EIF3A: variants seen among roughly 807,000 people sequenced by gnomAD.
The protein encoded by EIF3A is eukaryotic translation initiation factor 3 subunit A.
Under a neutral mutation model 186.6 loss-of-function variants are expected in EIF3A, and 21 were observed. The observed-to-expected ratio is 0.11, with a 90% confidence interval of 0.08 to 0.16. The LOEUF (loss-of-function observed/expected upper bound fraction) is 0.16. EIF3A is among the 10% of genes least tolerant of loss of function. The pLI, the probability that EIF3A is intolerant of heterozygous loss-of-function variation, is 1.00. For synonymous variants in EIF3A, 563 were observed against 584.3 expected, an observed-to-expected ratio of 0.96 and a Z score of 0.52; for missense variants, 1,306 against 1,796.3, an observed-to-expected ratio of 0.73 and a Z score of 4.93.
Position 119,073,022 on chromosome 10 carries a change from T to G in EIF3A, c.409A>C (p.Thr137Pro). The G allele has an allele frequency of 6.2e-7, 1 of 1,613,652 alleles. No individual in the cohort carries two copies. Among genetic ancestry groups the G allele is most frequent in the African/African-American group, 1.3e-5 (1 of 75,026 alleles). Residue 137 changes from threonine (T) to proline (P), a missense_variant, in exon 4 of 22, where the codon ACT (threonine) becomes CCT (proline). Thr to Pro is a conservative substitution (Grantham distance 38, BLOSUM62 -1). Around this residue, in one of 8 missense-constraint regions of EIF3A, gnomAD observed 130 missense variants for 259.3 expected, o/e 0.50. Coordinates refer to ENST00000369144, the MANE Select transcript of EIF3A (RefSeq NM_003750.4). The stretch of plus-strand genomic sequence containing the variant: ...AGTAATCTGTCAGTACGATCCTGAG[T>G]GTCTTCACCACTTACAGCACTTAGG... ...VLLSAVSGED[T>P]QDRTDRLLLT...
At chr10:119,048,075 TCAGATGAAA>T (rs1427377375) in intron 17 of EIF3A, among the ~76,000 whole-genome samples, 1 of 151,948 alleles carries the variant, frequency 6.6e-6, no homozygotes. Context: ...GAAAATAGTG[TCAGATGAAA>T]CTGATGAAAC....
chr10:119,074,397 G>A (rs1032181283), intron 1 of EIF3A, among the ~76,000 whole-genome samples: 6 of 151,928 alleles, frequency 3.9e-5, no homozygotes, highest in African/African-American at 7.3e-5. Flanking sequence ...CCCAGGAGGC[G>A]GAGGTTGCAG....
At chr10:119,039,320 G>T (rs897866825) in intron 19 of EIF3A, among the ~76,000 whole-genome samples, 1 of 152,064 alleles carries the variant, frequency 6.6e-6, no homozygotes, top group Non-Finnish European at 1.5e-5. Flanking sequence ...TACATATAGA[G>T]ATGTAAATTT....
intron 1 of EIF3A, among the ~76,000 whole-genome samples, chr10:119,075,459 G>C (rs1343958983): frequency 6.6e-6 from 1 of 150,664 alleles, no homozygotes; most frequent in Non-Finnish European, 1.5e-5. Context: ...ATTTTCTTTT[G>C]TACACTTAAT....
At position 119,080,743 on chromosome 10, in the gene EIF3A, C is replaced by T; in HGVS notation, c.-67G>A. On this transcript the variant is annotated 5_prime_UTR_variant, in exon 1 of 22. Transcript: ENST00000369144. ...TAGTGGCCCGGGCCGGGAGAGGAGA[C>T]GAAGGGGAACCAGCGTAAGGTCCCA... The T allele has an allele frequency of 1.3e-6, 2 of 1,540,686 alleles. No individual in the cohort carries two copies. The highest frequency in any genetic ancestry group is 1.2e-5 in the South Asian group (1 of 82,752).
intron 12 of EIF3A, among the ~76,000 whole-genome samples, 190 bp from the exon 13 acceptor site, chr10:119,057,230 C>A (rs1228851488): frequency 6.6e-6 from 1 of 152,162 alleles, no homozygotes; most frequent in Non-Finnish European, 1.5e-5. Flanking sequence ...ATCCATACAT[C>A]CTTTTCTCAC....
At position 119,044,050 on chromosome 10, in the gene EIF3A, T is replaced by C. The variant is rs755920785; in HGVS notation, c.2747+4A>G. 8 of 1,607,834 alleles carry C rather than the reference T, an allele frequency of 5.0e-6. No homozygotes were observed. The South Asian group carries it at 7.7e-5, about 15-fold the overall frequency. On this transcript the variant is annotated splice_donor_region_variant and intron_variant, in intron 18 of 21. Transcript: ENST00000369144. ...GCGGCATTATTTTCCTCAACTCTACTTACTTCTCTGGCGGGCCTCTTCTCC... is the reference window on the plus strand; with the variant it reads ...GCGGCATTATTTTCCTCAACTCTACCTACTTCTCTGGCGGGCCTCTTCTCC...
intron 7 of EIF3A, among the ~76,000 whole-genome samples, chr10:119,063,314 T>C (rs1843920348): frequency 6.6e-6 from 1 of 152,190 alleles, no homozygotes; most frequent in East Asian, 1.9e-4. Flanking sequence ...AGGAACTCTT[T>C]GCAAAAGTTA....
rs891148645 is a variant in EIF3A at position 119,051,144 on chromosome 10, A to C, written c.2319+55T>G. 1.3e-5 allele frequency: 19 copies of C among 1,510,622 alleles called. No individual in the cohort carries two copies. The African/African-American group carries it at 2.7e-4, about 21-fold the overall frequency. 93.6% of individuals were successfully genotyped at this position (1,510,622 alleles called of 1,614,324 possible). A position where few individuals can be genotyped will look rare whatever the true frequency, so the allele number is the denominator to read the frequency against. On this transcript the variant is annotated intron_variant, in intron 15 of 21. Transcript: ENST00000369144. The stretch of plus-strand genomic sequence containing the variant: ...ACCAATTTGTTAAGGGAGAACCCTT[A>C]GGCCAATACTAGAAAGCTCATGAAT...
At chr10:119,063,160 A>G (rs1843917681) in intron 7 of EIF3A, among the ~76,000 whole-genome samples, 1 of 152,166 alleles carries the variant, frequency 6.6e-6, no homozygotes, top group South Asian at 2.1e-4. Flanking sequence ...TTTATTTGCT[A>G]ATGAAACTTC....
chr10:119,065,832 A>C (rs1418833080), intron 6 of EIF3A, among the ~76,000 whole-genome samples: 1 of 152,110 alleles, frequency 6.6e-6, no homozygotes, highest in Non-Finnish European at 1.5e-5. Flanking sequence ...AAAGATTGTG[A>C]TTGACCAGGC....
In EIF3A at chr10:119,058,126, T is replaced by G; in HGVS notation, c.1807A>C (p.Lys603Gln). 4 of 1,614,194 alleles carry G rather than the reference T, an allele frequency of 2.5e-6. No individual in the cohort carries two copies. The highest frequency in any genetic ancestry group is 3.4e-6 in the Non-Finnish European group (4 of 1,180,028). The change falls in exon 12 of 22, where the codon AAA becomes CAA. Residue 603 changes from lysine (K) to glutamine (Q), a missense_variant. Physicochemically the swap from Lys to Gln is moderately conservative, Grantham distance 53 (BLOSUM62 1). Transcript: ENST00000369144. ...ELEQREAELQ[K>Q]VRKAEEERLR... is the part of the protein sequence containing the mutation. ...CTCTCTTCCTCAGCCTTCCGCACTTTCTGGAGTTCAGCTTCCCTCTGTTCC... is the reference window on the plus strand; with the variant it reads ...CTCTCTTCCTCAGCCTTCCGCACTTGCTGGAGTTCAGCTTCCCTCTGTTCC...
In EIF3A at chr10:119,035,778, GTTTTTC is replaced by G. The variant is rs1334272209; in HGVS notation, c.*255_*260del. 2 of 374,234 alleles carry G rather than the reference GTTTTTC, an allele frequency of 5.3e-6. No individual in the cohort carries two copies. Among genetic ancestry groups the G allele is most frequent in the Non-Finnish European group, 4.8e-6 (1 of 209,228 alleles). The allele number at this position is 374,234 out of a possible 1,614,324, so 23.2% of individuals were successfully genotyped here. ...GGTCACATTTTAAATTTATTTTTTA[GTTTTTC>G]TTTTTTGTCAACAAATGATTGATGA... On this transcript the variant is annotated 3_prime_UTR_variant, in exon 22 of 22. Transcript: ENST00000369144.
intron 1 of EIF3A, among the ~76,000 whole-genome samples, chr10:119,075,169 C>G (rs1033741537): frequency 1.3e-5 from 2 of 151,430 alleles, no homozygotes; most frequent in African/African-American, 4.8e-5. Context: ...ACCATCTTGG[C>G]CAGGCTGGTC....
At chr10:119,055,380 C>T (rs908874483) in intron 14 of EIF3A, among the ~76,000 whole-genome samples, 19 of 152,186 alleles carry the variant, frequency 1.2e-4, no homozygotes, top group Non-Finnish European at 2.6e-4. Context: ...AAAATAATTA[C>T]AACAGTAACA....
Position 119,056,994 on chromosome 10 carries a change from T to G in EIF3A, c.2024A>C (p.Glu675Ala). The part of the protein sequence containing the change: ...DPDFIMAKQV[E>A]QLEKEKKELQ... ...TTCTTTCTTTTCTTTCTCCAGTTGT[T>G]CAACCTGTTTAGCCATGATAAAATC... The change falls in exon 13 of 22, where the codon GAA becomes GCA. Residue 675 changes from glutamate (E) to alanine (A), a missense_variant. By Grantham distance (107) the Glu-to-Ala change is moderately radical. This residue lies in a region of EIF3A where 94 missense variants were observed against 204.9 expected (regional missense o/e 0.46). Coordinates refer to ENST00000369144, the MANE Select transcript of EIF3A (RefSeq NM_003750.4). 6.2e-7 allele frequency: 1 copy of G among 1,613,234 alleles called. No individual in the cohort carries two copies. Among genetic ancestry groups the G allele is most frequent in the East Asian group, 2.2e-5 (1 of 44,820 alleles).
At chr10:119,080,243 C>G (rs1240988208) in intron 1 of EIF3A, 1 of 908,256 alleles carries the variant, frequency 1.1e-6, no homozygotes, top group African/African-American at 1.8e-5. Flanking sequence ...CCCGGCACTC[C>G]CAGATGGCGG....
At chr10:119,074,378 T>A (rs1844123043) in intron 1 of EIF3A, among the ~76,000 whole-genome samples, 1 of 151,988 alleles carries the variant, frequency 6.6e-6, no homozygotes. Context: ...GGCAGGAGAA[T>A]CACTTGAACC....
chr10:119,077,556 AT>A (rs34768236), intron 1 of EIF3A, among the ~76,000 whole-genome samples: 433 of 142,170 alleles, frequency 3.0e-3, no homozygotes, highest in Middle Eastern at 3.6e-3. Context: ...GTTCCTCCGA[AT>A]TTTTTTTTTT....
Sources: gnomAD v4.1 joint callset for allele counts (sites outside exome capture counted in the v4.1 genomes callset) on GRCh38, gnomAD v4.1.1 for gene constraint, gnomAD v4.1.1 regional missense constraint, MANE v1.5 for transcripts, NCBI Gene and HGNC (gene_info 2026-07-23, HGNC 2026-07-21) for gene names.